GPC6: variants seen among roughly 807,000 people sequenced by gnomAD.
The protein encoded by GPC6 is glypican-6.
A neutral mutation model predicts 55.2 loss-of-function variants in GPC6; 14 were observed. The observed-to-expected ratio is 0.25, with a 90% confidence interval of 0.17 to 0.40. The LOEUF is 0.40. Ranked by LOEUF, GPC6 falls within the 10% of genes least tolerant of loss-of-function variation. The pLI, the probability that GPC6 is intolerant of heterozygous loss-of-function variation, is 1.00. For synonymous variants in GPC6, 278 were observed against 259.6 expected, an observed-to-expected ratio of 1.07 and a Z score of -0.68; for missense variants, 641 against 708.5, an observed-to-expected ratio of 0.90 and a Z score of 1.08.
At chr13:94,025,285 GGT>G (rs1882850667) in intron 3 of GPC6, among the ~76,000 whole-genome samples, 1 of 152,144 alleles carries the variant, frequency 6.6e-6, no homozygotes. Flanking sequence ...CTGTGGTAAA[GGT>G]TTGCAAGTTA....
At chr13:93,539,056 T>C (rs965568492) in intron 1 of GPC6, among the ~76,000 whole-genome samples, 1 of 152,180 alleles carries the variant, frequency 6.6e-6, no homozygotes, top group Non-Finnish European at 1.5e-5. Context: ...ATTAGGTATA[T>C]CTCCCAATAT....
At chr13:94,177,327 C>A (rs999192035) in intron 4 of GPC6, among the ~76,000 whole-genome samples, 1 of 151,758 alleles carries the variant, frequency 6.6e-6, no homozygotes, top group Non-Finnish European at 1.5e-5. Context: ...AAATGTAAAA[C>A]TTCTATGTGT....
At chr13:93,792,781 C>G (rs1368331536) in intron 2 of GPC6, among the ~76,000 whole-genome samples, 1 of 152,176 alleles carries the variant, frequency 6.6e-6, no homozygotes, top group Non-Finnish European at 1.5e-5. Context: ...CAAGACTAAA[C>G]TAAAATCAGT....
intron 3 of GPC6, among the ~76,000 whole-genome samples, chr13:93,894,716 T>C (rs2140321140): frequency 6.6e-6 from 1 of 152,250 alleles, no homozygotes; most frequent in Admixed American, 6.5e-5. Context: ...TAGCTGTTAA[T>C]CAAATTCATT....
At chr13:93,238,069 A>C (rs1393006305) in intron 1 of GPC6, among the ~76,000 whole-genome samples, 1 of 152,060 alleles carries the variant, frequency 6.6e-6, no homozygotes, top group African/African-American at 2.4e-5. Flanking sequence ...GTTCCATATG[A>C]ATTTTGGGAT....
chr13:93,663,688 C>T (rs1392838343), intron 2 of GPC6, among the ~76,000 whole-genome samples: 2 of 152,114 alleles, frequency 1.3e-5, no homozygotes, highest in Non-Finnish European at 2.9e-5. Context: ...GGTCAGGAAA[C>T]GTAATCTAGA....
chr13:93,978,692 G>T lies in GPC6; in HGVS notation c.712-49037G>T, dbSNP rs542541155. Among the ~76,000 whole-genome samples, 3 of 151,824 alleles carry T rather than the reference G, an allele frequency of 2.0e-5. No homozygotes were observed. The East Asian group carries it at 5.8e-4, about 30-fold the overall frequency. Reference sequence around the variant, plus strand: ...ATGTGAGGTTTTTTTCATGATTCTAGTCTACAAGGTCCACTTCCTTCTCTC... The same window carrying T: ...ATGTGAGGTTTTTTTCATGATTCTATTCTACAAGGTCCACTTCCTTCTCTC... On this transcript the variant is annotated intron_variant, in intron 3 of 8. Coordinates refer to ENST00000377047, the MANE Select transcript of GPC6 (RefSeq NM_005708.5).
chr13:94,381,681 T>C (rs1880166266), intron 6 of GPC6, among the ~76,000 whole-genome samples: 1 of 152,208 alleles, frequency 6.6e-6, no homozygotes, highest in Non-Finnish European at 1.5e-5. Flanking sequence ...ACTTTCCCAA[T>C]GTTCATTATG....
intron 2 of GPC6, among the ~76,000 whole-genome samples, chr13:93,757,740 A>T (rs189628782): frequency 4.0e-4 from 61 of 152,290 alleles, no homozygotes; most frequent in African/African-American, 1.4e-3. Flanking sequence ...GACTCCAGCA[A>T]GGATTCTGAA....
chr13:93,958,365 G>A lies in GPC6; in HGVS notation c.712-69364G>A, dbSNP rs573423063. ...TACATTTAAATCTTTGATCTATCTC[G>A]AGTGAATTTTTGTATATGGTGAAAG... On this transcript the variant is annotated intron_variant, in intron 3 of 8. Transcript: ENST00000377047. Among the ~76,000 whole-genome samples the A allele has an allele frequency of 2.2e-4, 34 of 152,190 alleles. No homozygotes were observed. The East Asian group carries it at 5.6e-3, about 25-fold the overall frequency.
At chr13:94,024,135 A>C (rs1417515723) in intron 3 of GPC6, among the ~76,000 whole-genome samples, 3 of 151,592 alleles carry the variant, frequency 2.0e-5, no homozygotes, top group African/African-American at 4.8e-5. Context: ...ACACACACAC[A>C]AGTGAATACA....
intron 2 of GPC6, among the ~76,000 whole-genome samples, chr13:93,642,098 C>T (rs568006087): frequency 2.0e-5 from 3 of 152,060 alleles, no homozygotes; most frequent in Admixed American, 6.6e-5. Context: ...GAACTGGTCA[C>T]CCAGGAAGTG....
At chr13:93,516,523 C>T (rs1052296880) in intron 1 of GPC6, among the ~76,000 whole-genome samples, 2 of 151,960 alleles carry the variant, frequency 1.3e-5, no homozygotes, top group Non-Finnish European at 2.9e-5. Flanking sequence ...AAGAGACAGG[C>T]ATAGGTTTTC....
At chr13:94,187,120 T>A (rs561316106) in intron 4 of GPC6, 1 of 152,294 alleles carries the variant, frequency 6.6e-6, no homozygotes, top group East Asian at 1.9e-4. Flanking sequence ...AGATGAAAAC[T>A]GATGACAGGG....
At chr13:93,895,234 GTATATATATATATATATA>G (rs60375718) in intron 3 of GPC6, among the ~76,000 whole-genome samples, 32,268 of 108,344 alleles carry the variant, frequency 0.3, 5,837 homozygotes, top group Non-Finnish European at 0.37. Context: ...GTGTGTGTGT[GTATATATATATATATATA>G]TATATATATA....
chr13:93,693,048 T>C (rs1397101816), intron 2 of GPC6, among the ~76,000 whole-genome samples: 1 of 152,150 alleles, frequency 6.6e-6, no homozygotes, highest in East Asian at 1.9e-4. Context: ...AATAAAGGAC[T>C]ATGTAATAAA....
intron 2 of GPC6, among the ~76,000 whole-genome samples, chr13:93,752,688 C>T (rs1420622179): frequency 6.6e-6 from 1 of 152,144 alleles, no homozygotes; most frequent in Non-Finnish European, 1.5e-5. Flanking sequence ...GTTCCAGAAA[C>T]GTGTTCTCTG....
intron 2 of GPC6, among the ~76,000 whole-genome samples, chr13:93,788,170 A>G (rs967221144): frequency 5.3e-5 from 8 of 152,172 alleles, no homozygotes; most frequent in African/African-American, 1.9e-4. Flanking sequence ...TCCAAGATCA[A>G]GGAGCCGGTA....
chr13:94,307,069 T>C (rs1258343260), intron 6 of GPC6, among the ~76,000 whole-genome samples: 1 of 152,220 alleles, frequency 6.6e-6, no homozygotes, highest in Non-Finnish European at 1.5e-5. Flanking sequence ...AATATCCTTC[T>C]ATAGTGTAGA....
Sources: gnomAD v4.1 joint callset for allele counts (sites outside exome capture counted in the v4.1 genomes callset) on GRCh38, gnomAD v4.1.1 for gene constraint, MANE v1.5 for transcripts, NCBI Gene and HGNC (gene_info 2026-07-23, HGNC 2026-07-21) for gene names.